Variants in RBPMS observed in about 807,000 individuals in gnomAD.
The protein encoded by RBPMS is RNA-binding protein with multiple splicing.
In RBPMS, 7 loss-of-function variants were observed where a neutral mutation model predicts 26.8. The observed-to-expected ratio is 0.26, with a 90% confidence interval of 0.15 to 0.49. The LOEUF is 0.49. Ranked by LOEUF, RBPMS falls within the 20% of genes least tolerant of loss-of-function variation. The pLI is 0.98. For synonymous variants in RBPMS, 96 were observed against 93.3 expected (o/e 1.03, Z -0.17); for missense variants, 186 against 250.0 (o/e 0.74, Z 1.73).
At chr8:30,429,415 A>G (rs372015029) in intron 1 of RBPMS, among the ~76,000 whole-genome samples, 1 of 152,238 alleles carries the variant, frequency 6.6e-6, no homozygotes, top group Non-Finnish European at 1.5e-5. Flanking sequence ...ATTAAAAGCA[A>G]TGAAATCCAG....
chr8:30,554,606 T>C (rs1826691010), intron 6 of RBPMS, among the ~76,000 whole-genome samples: 1 of 152,144 alleles, frequency 6.6e-6, no homozygotes. Context: ...CTCTCAGACT[T>C]GACCATGTGC....
chr8:30,411,681 A>AGAAG (rs1554507357), intron 1 of RBPMS, among the ~76,000 whole-genome samples: 2 of 127,956 alleles, frequency 1.6e-5, no homozygotes, highest in Admixed American at 8.4e-5. Flanking sequence ...AAAAAAAAAA[A>AGAAG]AAAGAAAAAG....
intron 5 of RBPMS, among the ~76,000 whole-genome samples, chr8:30,505,341 A>ATT (rs1820972879): frequency 6.6e-6 from 1 of 152,154 alleles, no homozygotes; most frequent in Non-Finnish European, 1.5e-5. Context: ...TCGATAGTAC[A>ATT]TTTTAACTCT....
intron 1 of RBPMS, among the ~76,000 whole-genome samples, chr8:30,463,579 C>G (rs1335133917): frequency 6.6e-6 from 1 of 152,236 alleles, no homozygotes; most frequent in African/African-American, 2.4e-5. Flanking sequence ...AAGTCATACA[C>G]TGTCACTTCT....
intron 7 of RBPMS, among the ~76,000 whole-genome samples, chr8:30,561,684 C>T (rs890261969): frequency 2.0e-5 from 3 of 152,104 alleles, no homozygotes; most frequent in African/African-American, 4.8e-5. Context: ...CAGGGTGCGC[C>T]GGCCACTTCT....
At chr8:30,547,468 T>C (rs766175521) in intron 6 of RBPMS, 15 of 1,571,040 alleles carry the variant, frequency 9.5e-6, no homozygotes, top group South Asian at 1.2e-5. Flanking sequence ...AAACTATTTC[T>C]TGACGACCTT....
chr8:30,558,845 C>T, intron 6 of RBPMS, 42 bp from the exon 7 acceptor site: 1 of 1,547,874 alleles, frequency 6.5e-7, no homozygotes, highest in Non-Finnish European at 8.9e-7. Flanking sequence ...TGGGGATATG[C>T]TGGGGAGCCC....
At chr8:30,516,956 T>C (rs1298543807) in intron 5 of RBPMS, among the ~76,000 whole-genome samples, 1 of 147,104 alleles carries the variant, frequency 6.8e-6, no homozygotes, top group Non-Finnish European at 1.5e-5. Flanking sequence ...TGAATTGATT[T>C]TTTTAATAAT....
At chr8:30,422,217 G>A (rs1347345981) in intron 1 of RBPMS, among the ~76,000 whole-genome samples, 2 of 151,666 alleles carry the variant, frequency 1.3e-5, no homozygotes, top group Non-Finnish European at 2.9e-5. Flanking sequence ...CTGGGTTCAA[G>A]TGATTCTCCT....
chr8:30,559,086 G>A, intron 7 of RBPMS, 130 bp downstream of exon 7: 1 of 758,456 alleles, frequency 1.3e-6, no homozygotes, highest in South Asian at 1.6e-5. Flanking sequence ...GTCCATCTTT[G>A]TTAAACTCAC....
At chr8:30,455,064 C>T (rs1815044795) in intron 1 of RBPMS, among the ~76,000 whole-genome samples, 1 of 152,226 alleles carries the variant, frequency 6.6e-6, no homozygotes, top group Non-Finnish European at 1.5e-5. Flanking sequence ...CTCAAGTGAT[C>T]CGCCTGCCTT....
chr8:30,443,062 T>G (rs915873889), intron 1 of RBPMS, among the ~76,000 whole-genome samples: 1 of 152,204 alleles, frequency 6.6e-6, no homozygotes, highest in Non-Finnish European at 1.5e-5. Context: ...TTAAGTATTC[T>G]CGTCCACACA....
intron 1 of RBPMS, among the ~76,000 whole-genome samples, chr8:30,386,689 CAA>C (rs1008300063): frequency 3.9e-5 from 6 of 152,146 alleles, no homozygotes; most frequent in Admixed American, 3.9e-4. Context: ...AAAATAATGA[CAA>C]GTGTGCTTTT....
At chr8:30,547,343 C>T (rs1825954469) in intron 6 of RBPMS, 1 of 1,613,772 alleles carries the variant, frequency 6.2e-7, no homozygotes, top group Admixed American at 1.7e-5. Context: ...TCCACTTCTC[C>T]AGCAAATTAG....
intron 1 of RBPMS, among the ~76,000 whole-genome samples, chr8:30,468,107 G>A (rs866419240): frequency 5.9e-5 from 9 of 151,940 alleles, no homozygotes; most frequent in South Asian, 2.1e-4. Flanking sequence ...TTCTTTGTCA[G>A]TAGATCTGGA....
At chr8:30,469,248 TTC>T (rs1816833026) in intron 1 of RBPMS, among the ~76,000 whole-genome samples, 1 of 152,240 alleles carries the variant, frequency 6.6e-6, no homozygotes, top group African/African-American at 2.4e-5. Flanking sequence ...CTTTTGGCCT[TTC>T]TCTCCAGGGA....
chr8:30,481,149 AC>A (rs745332354), intron 4 of RBPMS, among the ~76,000 whole-genome samples: 12 of 152,188 alleles, frequency 7.9e-5, no homozygotes, highest in Non-Finnish European at 1.5e-4. Context: ...AAGAATAAAG[AC>A]ATGGTGTTGC....
Position 30,571,412 on chromosome 8 carries a change from G to C in RBPMS, c.*887G>C, listed in dbSNP as rs927879138. On this transcript the variant is annotated 3_prime_UTR_variant, in exon 9 of 9. Coordinates refer to ENST00000397323, the MANE Select transcript of RBPMS (RefSeq NM_001008710.3). ...AACCTACCTTCCACAAGCCAGCCCC[G>C]CATCCCTGCTCCCGCAGTGTAAGTG... The C allele has an allele frequency of 6.6e-6, 1 of 152,272 alleles. No homozygotes were observed. Among genetic ancestry groups the C allele is most frequent in the East Asian group, 1.9e-4 (1 of 5,200 alleles). The allele number at this position is 152,272 out of a possible 1,614,324, so 9.4% of individuals were successfully genotyped here.
intron 6 of RBPMS, chr8:30,556,161 C>T (rs1826886845): frequency 1.0e-6 from 1 of 985,304 alleles, no homozygotes. Context: ...GCAATGAATT[C>T]AGGGGTCTGT....
Sources: gnomAD v4.1 joint callset for allele counts (sites outside exome capture counted in the v4.1 genomes callset) on GRCh38, gnomAD v4.1.1 for gene constraint, MANE v1.5 for transcripts, NCBI Gene and HGNC (gene_info 2026-07-23, HGNC 2026-07-21) for gene names.